Variants in RABEPK observed in about 807,000 individuals in gnomAD.
RABEPK encodes Rab9 effector protein with kelch motifs.
A neutral mutation model predicts 34.1 loss-of-function variants in RABEPK; 27 were observed. The observed-to-expected ratio is 0.79, with a 90% CI of 0.58 to 1.09. RABEPK has a LOEUF of 1.09. Ranked by LOEUF, RABEPK falls within the 50% of genes least tolerant of loss-of-function variation. The pLI is 0.00. For missense variants in RABEPK, 449 were observed against 462.6 expected, an observed-to-expected ratio of 0.97 and a Z score of 0.27; for synonymous variants, 172 against 169.2, an observed-to-expected ratio of 1.02 and a Z score of -0.13.
chr9:125,230,429 G>A (rs544714866), intron 6 of RABEPK, among the ~76,000 whole-genome samples: 1 of 152,182 alleles, frequency 6.6e-6, no homozygotes, highest in South Asian at 2.1e-4. Context: ...GAGGCCAGGG[G>A]ACACTGGCTT....
Position 125,233,978 on chromosome 9 carries a change from T to C in RABEPK, c.1117T>C (p.Ter373GlnextTer1). 2 of 1,590,922 alleles carry C rather than the reference T, an allele frequency of 1.3e-6. No homozygotes were observed. Reference protein sequence around the residue: ...YDDCIVTVVD* With the variant: ...YDDCIVTVVDQ ...CGATTGTATTGTGACTGTAGTGGAC[T>C]AATAAAACCCACATTTTTATTACCT... The change falls in exon 8 of 8, where the codon TAA becomes CAA. Residue 373 changes from the stop codon to glutamine (Q), a stop_lost. Coordinates refer to ENST00000373538, the MANE Select transcript of RABEPK (RefSeq NM_005833.4).
At chr9:125,201,560 C>T (rs772081532) in intron 1 of RABEPK, among the ~76,000 whole-genome samples, 17 of 152,076 alleles carry the variant, frequency 1.1e-4, no homozygotes, top group Non-Finnish European at 2.2e-4. Context: ...GAAGAATTGC[C>T]TGAGGCTAGG....
At chr9:125,224,696 C>T (rs551882342) in intron 5 of RABEPK, among the ~76,000 whole-genome samples, 8 of 152,136 alleles carry the variant, frequency 5.3e-5, no homozygotes, top group Non-Finnish European at 7.4e-5. Context: ...CCTCGTGATC[C>T]GCCCATCTTG....
intron 5 of RABEPK, among the ~76,000 whole-genome samples, chr9:125,223,405 A>C (rs964871676): frequency 1.3e-5 from 2 of 152,078 alleles, no homozygotes; most frequent in Non-Finnish European, 2.9e-5. Flanking sequence ...GCAGTGAGCT[A>C]AGATCACGCC....
chr9:125,210,542 AC>A (rs1260121468), intron 3 of RABEPK, among the ~76,000 whole-genome samples: 3 of 151,786 alleles, frequency 2.0e-5, no homozygotes, highest in East Asian at 3.9e-4. Context: ...ACATGGTGAA[AC>A]CCTGTCTCTA....
intron 5 of RABEPK, among the ~76,000 whole-genome samples, chr9:125,223,187 G>A (rs1831478502): frequency 1.3e-5 from 2 of 152,066 alleles, no homozygotes; most frequent in South Asian, 4.1e-4. Context: ...GGCTGAGGCA[G>A]CAGAATTGCT....
At position 125,200,744 on chromosome 9, in the gene RABEPK, G is replaced by C. The variant is rs762233108; in HGVS notation, c.-169G>C. 2.1e-6 allele frequency: 1 copy of C among 471,236 alleles called. No individual in the cohort carries two copies. Among genetic ancestry groups the C allele is most frequent in the South Asian group, 1.5e-5 (1 of 64,572 alleles). 29.2% of individuals were successfully genotyped at this position (471,236 alleles called of 1,614,324 possible). A position where few individuals can be genotyped will look rare whatever the true frequency, so the allele number is the denominator to read the frequency against. On this transcript the variant is annotated 5_prime_UTR_variant, in exon 1 of 8. Coordinates refer to ENST00000373538, the MANE Select transcript of RABEPK (RefSeq NM_005833.4). ...CGTCCCGGCCACTTTGACCGAATCAGCCTGTTCTTTCCCGACCCCGTCTCC... is the reference window on the plus strand; with the variant it reads ...CGTCCCGGCCACTTTGACCGAATCACCCTGTTCTTTCCCGACCCCGTCTCC...
At chr9:125,208,617 C>A (rs1029976117) in intron 3 of RABEPK, among the ~76,000 whole-genome samples, 2 of 151,928 alleles carry the variant, frequency 1.3e-5, no homozygotes, top group Non-Finnish European at 2.9e-5. Context: ...CTGACCGCAA[C>A]CTGTGCCTTC....
chr9:125,207,845 AC>A, intron 3 of RABEPK, 124 bp downstream of exon 3: 2 of 1,219,804 alleles, frequency 1.6e-6, no homozygotes, highest in Non-Finnish European at 2.3e-6. Flanking sequence ...CATGGCCAGG[AC>A]CAGGTGTGGT....
At position 125,228,541 on chromosome 9, in the gene RABEPK, C is replaced by A. The variant is rs114559860; in HGVS notation, c.676+482C>A. The stretch of plus-strand genomic sequence containing the variant: ...TTGTCATGGCACATGTGCCTGTAAT[C>A]CCAGCTACGTTGGTGCCTGAGTCAG... On this transcript the variant is annotated intron_variant, in intron 6 of 7. Transcript: ENST00000373538. 5.4e-3 allele frequency among the ~76,000 whole-genome samples: 822 copies of A among 151,542 alleles called. 11 individuals carry two copies. The highest frequency in any genetic ancestry group is 0.019 in the African/African-American group (779 of 41,292).
rs112282957 is a variant in RABEPK, at chr9:125,228,386, A to G, written c.676+327A>G. ...ATATGGCCTTGCTTGGCCAGGTGCA[A>G]TGGCTCATGCCTGTAATCTTAGCAC... On this transcript the variant is annotated intron_variant, in intron 6 of 7. Transcript: ENST00000373538. 1.1e-4 allele frequency among the ~76,000 whole-genome samples: 16 copies of G among 152,242 alleles called. 1 individual carries two copies. Among genetic ancestry groups the G allele is most frequent in the Non-Finnish European group, 1.9e-4 (13 of 68,018 alleles).
At chr9:125,210,280 A>G (rs541775038) in intron 3 of RABEPK, among the ~76,000 whole-genome samples, 6 of 150,220 alleles carry the variant, frequency 4.0e-5, no homozygotes, top group Non-Finnish European at 7.4e-5. Context: ...GCGGGCACCT[A>G]TAGTCCCAGC....
chr9:125,214,785 T>C (rs2131389888), intron 4 of RABEPK, among the ~76,000 whole-genome samples: 1 of 131,534 alleles, frequency 7.6e-6, no homozygotes. Flanking sequence ...TATTACCAAT[T>C]TTCTGTCTTT....
rs780315321 is a variant in RABEPK, at chr9:125,213,376, A to T, written c.218A>T (p.His73Leu). ...SDVHTMDLGKHQWDLDTCKGL... is the reference protein window; with the variant it reads ...SDVHTMDLGKLQWDLDTCKGL... ...TGGGTGAAATGTTTTCCAGGAAAACACCAGTGGGACTTAGATACCTGCAAG... is the reference window on the plus strand; with the variant it reads ...TGGGTGAAATGTTTTCCAGGAAAACTCCAGTGGGACTTAGATACCTGCAAG... Residue 73 changes from histidine to leucine, a missense_variant, in exon 4 of 8, where the codon CAC becomes CTC. His to Leu is a moderately conservative substitution (Grantham distance 99, BLOSUM62 -3). Transcript: ENST00000373538. 6.2e-7 allele frequency: 1 copy of T among 1,609,622 alleles called. No individual in the cohort carries two copies. Among genetic ancestry groups the T allele is most frequent in the Admixed American group, 1.7e-5 (1 of 58,522 alleles).
At chr9:125,221,587 A>C (rs1488546733) in intron 5 of RABEPK, 1 of 152,154 alleles carries the variant, frequency 6.6e-6, no homozygotes, top group Non-Finnish European at 1.5e-5. Context: ...AGAAAGAATA[A>C]GAAAGACAAA....
In RABEPK at chr9:125,233,783, G is replaced by C; in HGVS notation, c.922G>C (p.Ala308Pro). The C allele has an allele frequency of 1.2e-6, 2 of 1,614,084 alleles. No individual in the cohort carries two copies. The highest frequency in any genetic ancestry group is 2.7e-5 in the African/African-American group (2 of 75,046). The change falls in exon 8 of 8, where the codon GCT becomes CCT. Residue 308 changes from alanine to proline, a missense_variant. Coordinates refer to ENST00000373538, the MANE Select transcript of RABEPK (RefSeq NM_005833.4). ...TATCATTCCATGGCCAGTGACGTGT[G>C]CTTCTGAGAAAGAAGATTCCAACTC... The part of the protein sequence containing the change: ...MCIIPWPVTC[A>P]SEKEDSNSLT...
intron 5 of RABEPK, among the ~76,000 whole-genome samples, chr9:125,226,561 T>C (rs1831764651): frequency 6.6e-6 from 1 of 151,192 alleles, no homozygotes; most frequent in Non-Finnish European, 1.5e-5. Context: ...CCCGTCTCTA[T>C]GAAAATACAA....
rs10986652 is a variant in RABEPK, at chr9:125,226,594, G to A, written c.527-1316G>A. Among the ~76,000 whole-genome samples, 1,208 of 151,948 alleles carry A rather than the reference G, an allele frequency of 8.0e-3. 37 individuals are homozygous for A. The East Asian group carries it at 0.093, about 12-fold the overall frequency. On this transcript the variant is annotated intron_variant, in intron 5 of 7. Transcript: ENST00000373538. Reference sequence around the variant, plus strand: ...CAAAATATTAGATGGGGCCGGGCACGGTGGCTCACGTCTGTAATCCCAGCA... The same window carrying A: ...CAAAATATTAGATGGGGCCGGGCACAGTGGCTCACGTCTGTAATCCCAGCA...
Position 125,207,463 on chromosome 9 carries a change from A to G in RABEPK, c.54-101A>G, listed in dbSNP as rs140104449. The G allele has an allele frequency of 6.3e-6, 8 of 1,261,194 alleles. No homozygotes were observed. In the African/African-American group the frequency reaches 8.8e-5, roughly 14 times the overall value. 78.1% of individuals were successfully genotyped at this position (1,261,194 alleles called of 1,614,324 possible). A position where few individuals can be genotyped will look rare whatever the true frequency, so the allele number is the denominator to read the frequency against. ...TGGGTACAATTTAAAGTGTCTGCAT[A>G]AGGCTCTTCATTCTGGTGAATATTT... On this transcript the variant is annotated intron_variant, in intron 2 of 7. Transcript: ENST00000373538.
Sources: gnomAD v4.1 joint callset for allele counts (sites outside exome capture counted in the v4.1 genomes callset) on GRCh38, gnomAD v4.1.1 for gene constraint, MANE v1.5 for transcripts, NCBI Gene and HGNC (gene_info 2026-07-23, HGNC 2026-07-21) for gene names.